CSMD3: variants seen among roughly 807,000 people sequenced by gnomAD.
The protein encoded by CSMD3 is CUB and Sushi multiple domains 3, also known as CUB and sushi domain-containing protein 3.
Under a neutral mutation model 435.2 loss-of-function variants are expected in CSMD3, and 177 were observed. The ratio of observed to expected loss-of-function variants is 0.41; its 90% CI spans 0.36 to 0.46. The LOEUF (loss-of-function observed/expected upper bound fraction) is 0.46. CSMD3 is among the 20% of genes least tolerant of loss of function. The pLI, the probability that CSMD3 is intolerant of heterozygous loss-of-function variation, is 0.34. For synonymous variants in CSMD3, 1,656 were observed against 1,520.5 expected, an observed-to-expected ratio of 1.09 and a Z score of -2.07; for missense variants, 4,265 against 4,504.6, an observed-to-expected ratio of 0.95 and a Z score of 1.52.
chr8:113,348,284 G>A (rs1431019926), intron 1 of CSMD3, among the ~76,000 whole-genome samples: 1 of 152,064 alleles, frequency 6.6e-6, no homozygotes, highest in African/African-American at 2.4e-5. Context: ...AGCACTGTGA[G>A]GTACCTGTTA....
chr8:112,831,572 G>A (rs1010814282), intron 11 of CSMD3, among the ~76,000 whole-genome samples: 8 of 104,990 alleles, frequency 7.6e-5, no homozygotes, highest in Admixed American at 2.0e-4. Context: ...TTTTTTTTTC[G>A]CATTTTCCTT....
At position 113,314,715 on chromosome 8, in the gene CSMD3, G is replaced by A. The variant is rs2132670967; in HGVS notation, c.257C>T (p.Pro86Leu). The change falls in exon 2 of 71, where the codon CCA becomes CTA. Residue 86 changes from proline to leucine, a missense_variant. By Grantham distance (98) the Pro-to-Leu change is moderately conservative. Coordinates refer to ENST00000297405, the MANE Select transcript of CSMD3 (RefSeq NM_198123.2). ...IESPGFPYGY[P>L]NGANCTWVII... is the part of the protein sequence containing the mutation. The stretch of plus-strand genomic sequence containing the variant: ...TACCCATGTGCAGTTTGCACCATTT[G>A]GATATCCATATGGAAAACCAGGGCT... 1.2e-6 allele frequency: 2 copies of A among 1,612,942 alleles called. No individual in the cohort carries two copies. The highest frequency in any genetic ancestry group is 1.7e-6 in the Non-Finnish European group (2 of 1,179,248).
chr8:113,030,980 T>C (rs1042460911), intron 5 of CSMD3, among the ~76,000 whole-genome samples: 2 of 151,462 alleles, frequency 1.3e-5, no homozygotes, highest in African/African-American at 4.8e-5. Flanking sequence ...TGGCTAAAAT[T>C]AAAAACAGTG....
intron 11 of CSMD3, among the ~76,000 whole-genome samples, chr8:112,855,825 T>TC (rs2080641112): frequency 6.6e-6 from 1 of 150,810 alleles, no homozygotes; most frequent in African/African-American, 2.4e-5. Flanking sequence ...TTTTTTTTTT[T>TC]CTTTGTCTCA....
At chr8:112,793,348 T>C (rs2078742995) in intron 13 of CSMD3, among the ~76,000 whole-genome samples, 1 of 151,612 alleles carries the variant, frequency 6.6e-6, no homozygotes, top group African/African-American at 2.4e-5. Context: ...ATAGTGAACA[T>C]TAATTAACTC....
chr8:112,636,723 A>C, intron 22 of CSMD3, 94 bp downstream of exon 22: 7 of 1,083,470 alleles, frequency 6.5e-6, no homozygotes, highest in Non-Finnish European at 9.8e-6. Flanking sequence ...TAAATGCAGA[A>C]ATTCAACAGA....
chr8:113,145,351 G>C (rs1179305935), intron 4 of CSMD3, among the ~76,000 whole-genome samples: 2 of 151,550 alleles, frequency 1.3e-5, no homozygotes, highest in Non-Finnish European at 3.0e-5. Flanking sequence ...TTTATCACAA[G>C]TGTTTTGAGT....
intron 5 of CSMD3, among the ~76,000 whole-genome samples, chr8:113,072,312 A>G (rs551282056): frequency 1.4e-4 from 21 of 151,810 alleles, no homozygotes; most frequent in African/African-American, 4.8e-4. Flanking sequence ...TGCTCTGTCA[A>G]GGACTTCCAG....
intron 32 of CSMD3, among the ~76,000 whole-genome samples, chr8:112,461,323 C>A (rs1276783609): frequency 1.3e-5 from 2 of 151,986 alleles, no homozygotes; most frequent in African/African-American, 4.8e-5. Context: ...AAATGTGATT[C>A]TGCATGACAG....
At chr8:113,093,275 A>T (rs1004143488) in intron 5 of CSMD3, among the ~76,000 whole-genome samples, 4 of 152,066 alleles carry the variant, frequency 2.6e-5, no homozygotes, top group Non-Finnish European at 5.9e-5. Flanking sequence ...GGTGAACAGA[A>T]ACAAAAGATG....
rs554327234 is a variant in CSMD3 at position 113,177,891 on chromosome 8, T to C, written c.515-3975A>G. ...TCTAAAGTGTAGAAGATTTTTGATA[T>C]TGCAAAATAATTCCTTGGAAAATAT... On this transcript the variant is annotated intron_variant, in intron 3 of 70. Transcript: ENST00000297405. Among the ~76,000 whole-genome samples the C allele has an allele frequency of 5.3e-5, 8 of 152,104 alleles. 1 individual carries two copies. In the South Asian group the frequency reaches 1.0e-3, roughly 20 times the overall value.
At chr8:113,094,208 A>G (rs1286189039) in intron 5 of CSMD3, among the ~76,000 whole-genome samples, 2 of 152,172 alleles carry the variant, frequency 1.3e-5, no homozygotes, top group Non-Finnish European at 2.9e-5. Flanking sequence ...CTCATTCCCT[A>G]ACTTTAGTCT....
At chr8:113,114,286 G>T (rs1475593433) in intron 4 of CSMD3, among the ~76,000 whole-genome samples, 26 of 152,248 alleles carry the variant, frequency 1.7e-4, no homozygotes, top group Admixed American at 1.7e-3. Flanking sequence ...CGTGTGAAAA[G>T]AAGCGAGACC....
intron 3 of CSMD3, among the ~76,000 whole-genome samples, chr8:113,177,999 T>C (rs62519806): frequency 0.015 from 2,314 of 152,058 alleles, 21 homozygotes; most frequent in Non-Finnish European, 0.021. Context: ...AAAGAAAAGA[T>C]CAATTACTTG....
chr8:113,104,104 A>G (rs2090408157), intron 4 of CSMD3, among the ~76,000 whole-genome samples: 1 of 152,108 alleles, frequency 6.6e-6, no homozygotes, highest in Non-Finnish European at 1.5e-5. Flanking sequence ...ATCTCATACT[A>G]TGCTCTACCT....
intron 13 of CSMD3, among the ~76,000 whole-genome samples, chr8:112,708,221 T>C (rs900531397): frequency 1.3e-5 from 2 of 152,048 alleles, no homozygotes; most frequent in Middle Eastern, 6.3e-3. Flanking sequence ...ATATGGAATT[T>C]AGTAATTATA....
chr8:112,776,060 A>G (rs907476997), intron 13 of CSMD3, among the ~76,000 whole-genome samples: 9 of 151,832 alleles, frequency 5.9e-5, no homozygotes, highest in Admixed American at 3.9e-4. Context: ...ATTGCAAGTA[A>G]GCCACATAAG....
intron 45 of CSMD3, among the ~76,000 whole-genome samples, chr8:112,330,313 A>T (rs1188451545): frequency 6.6e-6 from 1 of 152,080 alleles, no homozygotes; most frequent in Non-Finnish European, 1.5e-5. Flanking sequence ...CTCATTCTTC[A>T]ATAGAAAATG....
chr8:113,003,347 T>C (rs2131082241), intron 6 of CSMD3, among the ~76,000 whole-genome samples: 1 of 152,256 alleles, frequency 6.6e-6, no homozygotes, highest in Admixed American at 6.5e-5. Flanking sequence ...ATTTTTGTTC[T>C]TCAAAATATT....
Sources: allele counts gnomAD v4.1 joint callset (sites outside exome capture counted in the v4.1 genomes callset), GRCh38; gene constraint gnomAD v4.1.1; transcripts MANE v1.5; gene names NCBI Gene and HGNC (gene_info 2026-07-23, HGNC 2026-07-21).